The following CAMK2D variants were observed in gnomAD, a reference collection of about 807,000 sequenced individuals.
CAMK2D encodes calcium/calmodulin dependent protein kinase II delta, also known as calcium/calmodulin-dependent protein kinase type II subunit delta.
In CAMK2D, 37 loss-of-function variants were observed where a neutral mutation model predicts 84.0. The ratio of observed to expected loss-of-function variants is 0.44; its 90% CI spans 0.34 to 0.58. The LOEUF (loss-of-function observed/expected upper bound fraction) is 0.58, where lower values mean the gene tolerates loss of function less well. CAMK2D is among the 20% of genes least tolerant of loss of function. The pLI is 0.02. For missense variants in CAMK2D, 448 were observed against 652.5 expected (o/e 0.69, Z 3.41); for synonymous variants, 202 against 212.5 (o/e 0.95, Z 0.43).
intron 4 of CAMK2D, among the ~76,000 whole-genome samples, chr4:113,597,321 A>C (rs2098931800): frequency 1.3e-5 from 2 of 152,204 alleles, no homozygotes; most frequent in Admixed American, 1.3e-4. Context: ...TTAGTGCACA[A>C]ACCTTCATCA....
chr4:113,470,795 C>T (rs1403505648), intron 16 of CAMK2D, among the ~76,000 whole-genome samples: 1 of 152,128 alleles, frequency 6.6e-6, no homozygotes, highest in Admixed American at 6.5e-5. Flanking sequence ...AATCAGTTTT[C>T]TCTATTACTC....
At chr4:113,527,425 G>A (rs2098426254) in intron 8 of CAMK2D, among the ~76,000 whole-genome samples, 1 of 151,844 alleles carries the variant, frequency 6.6e-6, no homozygotes, top group South Asian at 2.1e-4. Flanking sequence ...TTTTAGGTAA[G>A]GTATGTGCAT....
rs1468222 is a variant in CAMK2D at position 113,513,251 on chromosome 4, A to T, written c.946+77T>A. ...GTTTTTCTAATTATTAGATTTTTAAAATTCCAGAGACAAAAAAACAGAGAC... is the reference window on the plus strand; with the variant it reads ...GTTTTTCTAATTATTAGATTTTTAATATTCCAGAGACAAAAAAACAGAGAC... On this transcript the variant is annotated intron_variant, in intron 12 of 20. Coordinates refer to ENST00000511664, the MANE Select transcript of CAMK2D (RefSeq NM_001321571.2). 2.1e-3 allele frequency: 3,385 copies of T among 1,578,850 alleles called. 61 individuals are homozygous for T. In the African/African-American group the frequency reaches 0.038, roughly 18 times the overall value.
At chr4:113,676,298 C>CT (rs774203943) in intron 2 of CAMK2D, among the ~76,000 whole-genome samples, 12 of 152,194 alleles carry the variant, frequency 7.9e-5, no homozygotes, top group Admixed American at 3.3e-4. Context: ...AGTCACCACT[C>CT]TCGCAGTCAT....
intron 2 of CAMK2D, among the ~76,000 whole-genome samples, chr4:113,665,512 T>C (rs1263664602): frequency 6.6e-6 from 1 of 152,190 alleles, no homozygotes; most frequent in Non-Finnish European, 1.5e-5. Context: ...AAACTACATA[T>C]GCTACCTCAT....
At chr4:113,631,653 T>C (rs1158073021) in intron 3 of CAMK2D, among the ~76,000 whole-genome samples, 1 of 152,160 alleles carries the variant, frequency 6.6e-6, no homozygotes, top group Non-Finnish European at 1.5e-5. Context: ...TGGGTAACTA[T>C]TGTCGTTGGC....
At chr4:113,720,881 G>A (rs1159734731) in intron 2 of CAMK2D, among the ~76,000 whole-genome samples, 3 of 151,986 alleles carry the variant, frequency 2.0e-5, no homozygotes, top group Admixed American at 6.6e-5. Context: ...TATTACCAGT[G>A]CATATTTTAT....
intron 16 of CAMK2D, among the ~76,000 whole-genome samples, chr4:113,469,836 T>C (rs2097525833): frequency 6.6e-6 from 1 of 152,170 alleles, no homozygotes; most frequent in Admixed American, 6.5e-5. Context: ...ATCCATTAAG[T>C]TCTGTTGAAT....
rs557449457 is a variant in CAMK2D, at chr4:113,730,112, C to T, written c.160+29208G>A. Among the ~76,000 whole-genome samples the T allele has an allele frequency of 5.3e-5, 8 of 152,210 alleles. No homozygotes were observed. The South Asian group carries it at 1.7e-3, about 32-fold the overall frequency. On this transcript the variant is annotated intron_variant, in intron 2 of 20. Coordinates refer to ENST00000511664, the MANE Select transcript of CAMK2D (RefSeq NM_001321571.2). ...ATAAAGACAGAAACTCTTTTGTTCA[C>T]CTGGTATCCTCAGTTCCTAAAAAAC... is the stretch of plus-strand genomic sequence containing the variant.
At chr4:113,530,956 T>C (rs1174758992) in intron 8 of CAMK2D, among the ~76,000 whole-genome samples, 1 of 152,072 alleles carries the variant, frequency 6.6e-6, no homozygotes, top group Non-Finnish European at 1.5e-5. Context: ...TGGTTGCACG[T>C]GCCTGTAATC....
chr4:113,475,588 T>A (rs1489465952), intron 16 of CAMK2D, among the ~76,000 whole-genome samples: 5 of 152,246 alleles, frequency 3.3e-5, no homozygotes, highest in Non-Finnish European at 5.9e-5. Flanking sequence ...GCTAAGCAGT[T>A]TTACCAACTA....
intron 2 of CAMK2D, among the ~76,000 whole-genome samples, chr4:113,697,056 G>A (rs1380073395): frequency 6.6e-6 from 1 of 152,140 alleles, no homozygotes; most frequent in Admixed American, 6.6e-5. Flanking sequence ...ACAGGAAACA[G>A]TAGAGACCTG....
chr4:113,472,766 G>T (rs1277205003), intron 16 of CAMK2D, among the ~76,000 whole-genome samples: 1 of 152,164 alleles, frequency 6.6e-6, no homozygotes, highest in Non-Finnish European at 1.5e-5. Context: ...CTTATTCAAT[G>T]ATCAAAAGCT....
rs1254119195 is a variant in CAMK2D at position 113,761,525 on chromosome 4, G to A, written c.-457C>T. ...AGGGGGCGGAGGTGGAGTGCAGCGG[G>A]GCCGAGGCCGCGGAGCCCAGAGCGG... On this transcript the variant is annotated 5_prime_UTR_variant, in exon 1 of 21. Transcript: ENST00000511664. 3 of 1,008,520 alleles carry A rather than the reference G, an allele frequency of 3.0e-6. No homozygotes were observed. The highest frequency in any genetic ancestry group is 1.7e-5 in the African/African-American group (1 of 57,726). The allele number at this position is 1,008,520 out of a possible 1,614,324, so 62.5% of individuals were successfully genotyped here. A position where few individuals can be genotyped will look rare whatever the true frequency, so the allele number is the denominator to read the frequency against.
intron 3 of CAMK2D, among the ~76,000 whole-genome samples, chr4:113,611,120 C>A (rs1202258344): frequency 1.3e-5 from 2 of 152,034 alleles, no homozygotes; most frequent in African/African-American, 4.8e-5. Flanking sequence ...ATAAGCAATT[C>A]TTCCATCACT....
chr4:113,592,705 A>C (rs879417650), intron 4 of CAMK2D, among the ~76,000 whole-genome samples: 3 of 152,164 alleles, frequency 2.0e-5, no homozygotes, highest in Non-Finnish European at 4.4e-5. Context: ...TAAGAAACAG[A>C]TCAAACTAAT....
chr4:113,619,733 T>C (rs1217032558), intron 3 of CAMK2D, among the ~76,000 whole-genome samples: 1 of 152,174 alleles, frequency 6.6e-6, no homozygotes, highest in Non-Finnish European at 1.5e-5. Flanking sequence ...TTTTGGAACA[T>C]AGCCACATCA....
At chr4:113,557,853 C>A (rs1326245109) in intron 4 of CAMK2D, among the ~76,000 whole-genome samples, 1 of 152,188 alleles carries the variant, frequency 6.6e-6, no homozygotes, top group African/African-American at 2.4e-5. Flanking sequence ...TTGGAAAACA[C>A]AACAGCTGAT....
chr4:113,482,830 A>T (rs2097718052), intron 16 of CAMK2D, among the ~76,000 whole-genome samples: 1 of 152,234 alleles, frequency 6.6e-6, no homozygotes, highest in South Asian at 2.1e-4. Flanking sequence ...CATATATGTA[A>T]TCAGTGGGAT....
Sources: allele counts gnomAD v4.1 joint callset (sites outside exome capture counted in the v4.1 genomes callset), GRCh38; gene constraint gnomAD v4.1.1; transcripts MANE v1.5; gene names NCBI Gene and HGNC (gene_info 2026-07-23, HGNC 2026-07-21).